CATSPERB: variants seen among roughly 807,000 people sequenced by gnomAD.
CATSPERB encodes catsper channel auxiliary subunit beta.
In CATSPERB, 93 loss-of-function variants were observed where a neutral mutation model predicts 128.3. The ratio of observed to expected loss-of-function variants is 0.72; its 90% confidence interval spans 0.61 to 0.86. CATSPERB has a LOEUF of 0.86. Ranked by LOEUF, CATSPERB falls within the 40% of genes least tolerant of loss-of-function variation. The pLI, the probability that CATSPERB is intolerant of heterozygous loss-of-function variation, is 0.00. For missense variants in CATSPERB, 1,153 were observed against 1,329.5 expected, an observed-to-expected ratio of 0.87 and a Z score of 2.06; for synonymous variants, 381 against 448.8, an observed-to-expected ratio of 0.85 and a Z score of 1.91.
At chr14:91,687,034 T>C (rs1297705810) in intron 10 of CATSPERB, among the ~76,000 whole-genome samples, 1 of 152,164 alleles carries the variant, frequency 6.6e-6, no homozygotes, top group Non-Finnish European at 1.5e-5. Context: ...ATACTTTGTA[T>C]ATAGTATAAT....
chr14:91,701,092 A>G (rs1895639603), intron 7 of CATSPERB, among the ~76,000 whole-genome samples: 1 of 152,216 alleles, frequency 6.6e-6, no homozygotes, highest in Admixed American at 6.5e-5. Context: ...ATCCATATGG[A>G]TGGTGAAGTC....
rs1335722656 is a variant in CATSPERB at position 91,693,399 on chromosome 14, AATAG to A, written c.693_696del (p.Tyr232ProfsTer17). The A allele has an allele frequency of 5.0e-6, 8 of 1,613,698 alleles. No homozygotes were observed. The African/African-American group carries it at 5.3e-5, about 11-fold the overall frequency. On this transcript the variant is annotated frameshift_variant, in exon 8 of 27. Transcript: ENST00000256343. LOFTEE classifies it high-confidence loss of function. ...GAGGAGTTACCTTCTTGAAGTTGGG[AATAG>A]ATAGTCTGTGTCATGTTAAACCATG...
At chr14:91,703,620 T>A (rs752327047) in intron 7 of CATSPERB, among the ~76,000 whole-genome samples, 3 of 152,184 alleles carry the variant, frequency 2.0e-5, no homozygotes, top group Non-Finnish European at 4.4e-5. Context: ...TCAATGCCTA[T>A]GTGATAAAGC....
In CATSPERB at chr14:91,598,296, C is replaced by CT. The variant is rs1001391843; in HGVS notation, c.2710-6295dup. On this transcript the variant is annotated intron_variant, in intron 22 of 26. Transcript: ENST00000256343. ...CTTTGAATTAGACAAAACTTGTTCACTTTTTTTTTAAAAGGACACATTTTT... is the reference window on the plus strand; with the variant it reads ...CTTTGAATTAGACAAAACTTGTTCACTTTTTTTTTTAAAAGGACACATTTTT... 4.7e-5 allele frequency among the ~76,000 whole-genome samples: 7 copies of CT among 150,302 alleles called. No homozygotes were observed. In the South Asian group the frequency reaches 6.3e-4, roughly 14 times the overall value.
chr14:91,610,171 A>T (rs549301218), intron 21 of CATSPERB, among the ~76,000 whole-genome samples: 12 of 152,358 alleles, frequency 7.9e-5, no homozygotes, highest in African/African-American at 2.4e-4. Context: ...GGCTAATTGT[A>T]TCAGCTTAGG....
chr14:91,701,728 C>T, intron 7 of CATSPERB, among the ~76,000 whole-genome samples: 1 of 151,832 alleles, frequency 6.6e-6, no homozygotes, highest in East Asian at 1.9e-4. Context: ...GGTATGAAGG[C>T]CAGGAGGACA....
At chr14:91,629,481 T>C (rs969228606) in intron 17 of CATSPERB, among the ~76,000 whole-genome samples, 1 of 152,098 alleles carries the variant, frequency 6.6e-6, no homozygotes, top group African/African-American at 2.4e-5. Context: ...CCCATTGAAT[T>C]TGCAACACTA....
intron 7 of CATSPERB, among the ~76,000 whole-genome samples, chr14:91,696,831 G>A (rs56349232): frequency 0.12 from 18,217 of 152,170 alleles, 1,417 homozygotes; most frequent in African/African-American, 0.22. Flanking sequence ...GCCTTTGATT[G>A]CAGCAGAGAT....
Position 91,622,007 on chromosome 14 carries a change from A to G in CATSPERB, c.1931-70T>C, listed in dbSNP as rs950986362. On this transcript the variant is annotated intron_variant, in intron 18 of 26. Transcript: ENST00000256343. ...ATGTTTGCCAAACAAACTGATGTAC[A>G]TAGCTAACAAATACACTGTTTGAGT... The G allele has an allele frequency of 2.2e-5, 22 of 1,007,594 alleles. No homozygotes were observed. The South Asian group carries it at 2.9e-4, about 13-fold the overall frequency. 62.4% of individuals were successfully genotyped at this position (1,007,594 alleles called of 1,614,324 possible).
chr14:91,616,323 G>A (rs1262037577), intron 20 of CATSPERB, among the ~76,000 whole-genome samples: 3 of 151,680 alleles, frequency 2.0e-5, no homozygotes, highest in Non-Finnish European at 4.4e-5. Context: ...ATTATAAACT[G>A]TTGATTTACA....
intron 12 of CATSPERB, among the ~76,000 whole-genome samples, 158 bp downstream of exon 12, chr14:91,674,018 A>C (rs1285432164): frequency 6.6e-6 from 1 of 152,184 alleles, no homozygotes; most frequent in Non-Finnish European, 1.5e-5. Context: ...ATAATTAGGT[A>C]AGTACTAATA....
At chr14:91,673,515 C>T (rs1379547808) in intron 12 of CATSPERB, among the ~76,000 whole-genome samples, 1 of 152,204 alleles carries the variant, frequency 6.6e-6, no homozygotes, top group Admixed American at 6.5e-5. Context: ...GACTGAATCC[C>T]TGGTGTTTTA....
intron 20 of CATSPERB, among the ~76,000 whole-genome samples, chr14:91,614,212 A>G (rs1017048366): frequency 1.3e-5 from 2 of 152,170 alleles, no homozygotes; most frequent in African/African-American, 4.8e-5. Flanking sequence ...CAGATGAGGG[A>G]TCTTAGCCAC....
intron 11 of CATSPERB, among the ~76,000 whole-genome samples, chr14:91,676,375 C>T (rs1394460701): frequency 2.0e-5 from 3 of 152,112 alleles, no homozygotes; most frequent in Admixed American, 6.5e-5. Flanking sequence ...ATTTTGTCAT[C>T]CTCTTTGGGA....
At chr14:91,692,497 C>G (rs933559118) in intron 9 of CATSPERB, among the ~76,000 whole-genome samples, 1 of 152,154 alleles carries the variant, frequency 6.6e-6, no homozygotes, top group South Asian at 2.1e-4. Flanking sequence ...GAGGAAGGCT[C>G]AGGTATATGT....
intron 13 of CATSPERB, among the ~76,000 whole-genome samples, chr14:91,670,405 A>G (rs1895067123): frequency 6.6e-6 from 1 of 151,576 alleles, no homozygotes; most frequent in Admixed American, 6.6e-5. Flanking sequence ...AATTATCTTT[A>G]TATAAAAGTG....
intron 20 of CATSPERB, among the ~76,000 whole-genome samples, chr14:91,615,069 CCTGT>C (rs556367872): frequency 1.7e-3 from 261 of 152,206 alleles, no homozygotes; most frequent in African/African-American, 6.1e-3. Context: ...CCATATTCTT[CCTGT>C]CTGAGATCTT....
chr14:91,684,657 C>A (rs2139840309), intron 10 of CATSPERB, among the ~76,000 whole-genome samples: 1 of 148,770 alleles, frequency 6.7e-6, no homozygotes, highest in East Asian at 2.0e-4. Flanking sequence ...CTCTGTTGCC[C>A]AGGCTGGAGT....
At chr14:91,635,195 G>T (rs148579570) in intron 17 of CATSPERB, among the ~76,000 whole-genome samples, 172 of 151,998 alleles carry the variant, frequency 1.1e-3, no homozygotes, top group Middle Eastern at 0.01. Flanking sequence ...ACCTACCAAG[G>T]GCCCCACCTC....
Sources: gnomAD v4.1 joint callset for allele counts (sites outside exome capture counted in the v4.1 genomes callset) on GRCh38, gnomAD v4.1.1 for gene constraint, MANE v1.5 for transcripts, NCBI Gene and HGNC (gene_info 2026-07-23, HGNC 2026-07-21) for gene names.